The following AGAP1 variants were observed in gnomAD, a reference collection of about 807,000 sequenced individuals.
The protein encoded by AGAP1 is ArfGAP with GTPase domain, ankyrin repeat and PH domain 1.
In AGAP1, 29 loss-of-function variants were observed where a neutral mutation model predicts 105.3. The ratio of observed to expected loss-of-function variants is 0.28; its 90% CI spans 0.21 to 0.38. AGAP1 has a LOEUF of 0.38. Ranked by LOEUF, AGAP1 falls within the 10% of genes least tolerant of loss-of-function variation. AGAP1 has a pLI of 1.00. For synonymous variants in AGAP1, 509 were observed against 485.9 expected, an observed-to-expected ratio of 1.05 and a Z score of -0.63; for missense variants, 998 against 1,165.1, an observed-to-expected ratio of 0.86 and a Z score of 2.09.
Position 235,934,509 on chromosome 2 carries a change from T to C in AGAP1, c.1483+3586T>C, listed in dbSNP as rs2052892810. 6.6e-6 allele frequency among the ~76,000 whole-genome samples: 1 copy of C among 152,200 alleles called. No individual in the cohort carries two copies. The highest frequency in any genetic ancestry group is 1.9e-4 in the East Asian group (1 of 5,202). Reference sequence around the variant, plus strand: ...TTAGTGAACACCAGGGCACAGGATCTGATGGACAACTTCCAGAAAACGTGT... The same window carrying C: ...TTAGTGAACACCAGGGCACAGGATCCGATGGACAACTTCCAGAAAACGTGT... On this transcript the variant is annotated intron_variant, in intron 12 of 17. Coordinates refer to ENST00000304032, the MANE Select transcript of AGAP1 (RefSeq NM_001037131.3). This position sits in a 1 kb window ranked among gnomAD's most constrained non-coding sequence, Gnocchi z 4.9.
rs978529571 is a variant in AGAP1, at chr2:235,550,801, G to C, written c.163+55952G>C. Among the ~76,000 whole-genome samples, 3 of 152,112 alleles carry C rather than the reference G, an allele frequency of 2.0e-5. No individual in the cohort carries two copies. The highest frequency in any genetic ancestry group is 7.2e-5 in the African/African-American group (3 of 41,400). ...TTTATCTTATTTTTTTTGAGATAGA[G>C]TCTCACTCTGTTGCCCAGGCTGGAG... On this transcript the variant is annotated intron_variant, in intron 1 of 17. Coordinates refer to ENST00000304032, the MANE Select transcript of AGAP1 (RefSeq NM_001037131.3). This position sits in a 1 kb window ranked among gnomAD's most constrained non-coding sequence, Gnocchi z 4.6.
At chr2:236,093,380 TCAGA>T (rs989716662) in intron 16 of AGAP1, among the ~76,000 whole-genome samples, 4 of 152,152 alleles carry the variant, frequency 2.6e-5, no homozygotes, top group Admixed American at 2.6e-4. Context: ...AGCCACAGAC[TCAGA>T]CAGACTCGGT....
At position 235,874,131 on chromosome 2, in the gene AGAP1, C is replaced by A. The variant is rs2049589055; in HGVS notation, c.1051-9214C>A. ...GGAGTGCAGTGGCGTGATCTCAGCT[C>A]ACTGCAACCTCTCCCTCCAACCAAT... On this transcript the variant is annotated intron_variant, in intron 9 of 17. Transcript: ENST00000304032. This position sits in a 1 kb window ranked among gnomAD's most constrained non-coding sequence, Gnocchi z 4.5. Among the ~76,000 whole-genome samples the A allele has an allele frequency of 6.6e-6, 1 of 152,156 alleles. No individual in the cohort carries two copies. The highest frequency in any genetic ancestry group is 2.4e-5 in the African/African-American group (1 of 41,446).
chr2:236,066,466 T>C (rs2058348574), intron 16 of AGAP1, among the ~76,000 whole-genome samples: 1 of 152,158 alleles, frequency 6.6e-6, no homozygotes, highest in Non-Finnish European at 1.5e-5. Flanking sequence ...GCTCAATTGA[T>C]CCACCCGCGT....
intron 1 of AGAP1, among the ~76,000 whole-genome samples, chr2:235,686,665 A>ATATATATATATATATT (rs1369766503): frequency 1.3e-5 from 1 of 77,490 alleles, no homozygotes; most frequent in Non-Finnish European, 2.2e-5. Context: ...ATATATATAT[A>ATATATATATATATATT]TTTTTTTTTT....
chr2:235,885,851 A>T (rs2050250292), intron 10 of AGAP1, among the ~76,000 whole-genome samples: 1 of 152,342 alleles, frequency 6.6e-6, no homozygotes, highest in South Asian at 2.1e-4. Flanking sequence ...GCAGATATGG[A>T]TAGATTCTTA....
At chr2:235,548,809 C>G (rs900121375) in intron 1 of AGAP1, among the ~76,000 whole-genome samples, 72 of 152,274 alleles carry the variant, frequency 4.7e-4, no homozygotes, top group Admixed American at 1.4e-3. Context: ...TACAAAAGTA[C>G]CCATGCGTTT....
chr2:235,734,201 A>G lies in AGAP1; in HGVS notation c.311-6762A>G, dbSNP rs1254741291. ...TTGCAGATTTTCTCCCGATGTCATC[A>G]TGGCACTCAGTAACAAGGAATATTG... On this transcript the variant is annotated intron_variant, in intron 3 of 17. Transcript: ENST00000304032. This position sits in a 1 kb window ranked among gnomAD's most constrained non-coding sequence, Gnocchi z 5.3. Among the ~76,000 whole-genome samples, 1 of 152,254 alleles carries G rather than the reference A, an allele frequency of 6.6e-6. No individual in the cohort carries two copies. Among genetic ancestry groups the G allele is most frequent in the Non-Finnish European group, 1.5e-5 (1 of 68,048 alleles).
intron 6 of AGAP1, among the ~76,000 whole-genome samples, chr2:235,759,324 A>G (rs550916067): frequency 2.0e-5 from 3 of 151,450 alleles, no homozygotes; most frequent in Admixed American, 6.6e-5. Flanking sequence ...GCCTGCCACC[A>G]CGCCCGGCTA....
intron 1 of AGAP1, among the ~76,000 whole-genome samples, chr2:235,539,649 C>T (rs1189512078): frequency 2.0e-5 from 3 of 152,066 alleles, no homozygotes; most frequent in African/African-American, 7.2e-5. Flanking sequence ...AGATACTGAG[C>T]TGTGGGGTAG....
intron 9 of AGAP1, among the ~76,000 whole-genome samples, chr2:235,862,904 T>C (rs759129236): frequency 2.6e-5 from 4 of 152,178 alleles, no homozygotes; most frequent in Non-Finnish European, 4.4e-5. Flanking sequence ...GTGAGATCTC[T>C]GTGTGCATGC....
chr2:235,928,570 C>G (rs1433356047), intron 11 of AGAP1, among the ~76,000 whole-genome samples: 1 of 152,156 alleles, frequency 6.6e-6, no homozygotes, highest in African/African-American at 2.4e-5. Context: ...CAGGTGCAGC[C>G]CATATGGGTG....
chr2:236,111,237 A>G (rs573894088), intron 16 of AGAP1, among the ~76,000 whole-genome samples: 1 of 152,280 alleles, frequency 6.6e-6, no homozygotes, highest in Non-Finnish European at 1.5e-5. Context: ...GGGATGAGAA[A>G]GGGCCGATCC....
At chr2:235,498,158 G>T (rs572889221) in intron 1 of AGAP1, among the ~76,000 whole-genome samples, 1 of 152,256 alleles carries the variant, frequency 6.6e-6, no homozygotes, top group South Asian at 2.1e-4. Context: ...GCCCACCAAG[G>T]CTCCCAAATA....
intron 9 of AGAP1, among the ~76,000 whole-genome samples, chr2:235,839,634 A>AG (rs1363901964): frequency 6.6e-6 from 1 of 152,170 alleles, no homozygotes; most frequent in Non-Finnish European, 1.5e-5. Context: ...GGCTTTGGGA[A>AG]GGGGCTTTCC....
Position 235,559,145 on chromosome 2 carries a change from T to G in AGAP1, c.163+64296T>G, listed in dbSNP as rs1209421833. On this transcript the variant is annotated intron_variant, in intron 1 of 17. Transcript: ENST00000304032. The surrounding 1 kb of genome is among the most constrained non-coding windows in gnomAD (Gnocchi z 5.7). The stretch of plus-strand genomic sequence containing the variant: ...TCTTGCCATGTTGCCCAGGCTGGTC[T>G]TGAACTCCTGGGCTTAAGTGATCCT... 6.6e-6 allele frequency among the ~76,000 whole-genome samples: 1 copy of G among 152,204 alleles called. No individual in the cohort carries two copies. Among genetic ancestry groups the G allele is most frequent in the Non-Finnish European group, 1.5e-5 (1 of 68,030 alleles).
Position 235,789,281 on chromosome 2 carries a change from CT to C in AGAP1, c.674-8477del, listed in dbSNP as rs1352485749. On this transcript the variant is annotated intron_variant, in intron 6 of 17. Transcript: ENST00000304032. This position sits in a 1 kb window ranked among gnomAD's most constrained non-coding sequence, Gnocchi z 4.2. Reference sequence around the variant, plus strand: ...GCCCTAGACATGGTAGAAATTTCCCCTCATTCTAAAATTCTGAAATTAACGT... The same window carrying C: ...GCCCTAGACATGGTAGAAATTTCCCCCATTCTAAAATTCTGAAATTAACGT... Among the ~76,000 whole-genome samples the C allele has an allele frequency of 6.6e-6, 1 of 152,110 alleles. No individual in the cohort carries two copies. Among genetic ancestry groups the C allele is most frequent in the Non-Finnish European group, 1.5e-5 (1 of 68,028 alleles).
intron 9 of AGAP1, among the ~76,000 whole-genome samples, chr2:235,835,043 C>G (rs1044102953): frequency 6.6e-6 from 1 of 152,222 alleles, no homozygotes; most frequent in Non-Finnish European, 1.5e-5. Flanking sequence ...GGCATCCTCG[C>G]CCCTCGGCCT....
intron 1 of AGAP1, among the ~76,000 whole-genome samples, chr2:235,667,135 A>T (rs898073388): frequency 6.6e-6 from 1 of 152,146 alleles, no homozygotes; most frequent in Non-Finnish European, 1.5e-5. Context: ...TGTCTCTGGG[A>T]TTATCGCGAA....
Sources: gnomAD v4.1 joint callset for allele counts (sites outside exome capture counted in the v4.1 genomes callset) on GRCh38, gnomAD v4.1.1 for gene constraint, Gnocchi (gnomAD v3.1) non-coding constraint, MANE v1.5 for transcripts, NCBI Gene and HGNC (gene_info 2026-07-23, HGNC 2026-07-21) for gene names.